SGCZ: variants seen among roughly 807,000 people sequenced by gnomAD.
SGCZ encodes the protein sarcoglycan zeta.
Under a neutral mutation model 41.3 loss-of-function variants are expected in SGCZ, and 40 were observed. The observed-to-expected ratio is 0.97, with a 90% CI of 0.75 to 1.26. The LOEUF (loss-of-function observed/expected upper bound fraction) is 1.26. Among genes scored for constraint, SGCZ ranks in the 50% most tolerant of loss-of-function variants. The pLI is 0.00. For synonymous variants in SGCZ, 206 were observed against 137.5 expected (o/e 1.50, Z -3.49); for missense variants, 552 against 369.8 (o/e 1.49, Z -4.04).
intron 1 of SGCZ, among the ~76,000 whole-genome samples, chr8:15,144,710 GCCT>G (rs1422864576): frequency 2.6e-5 from 4 of 152,156 alleles, no homozygotes; most frequent in African/African-American, 9.7e-5. Flanking sequence ...CCCATCTTTG[GCCT>G]CCCAAAGTGC....
At chr8:15,157,175 T>C (rs1461230052) in intron 1 of SGCZ, among the ~76,000 whole-genome samples, 3 of 152,086 alleles carry the variant, frequency 2.0e-5, no homozygotes, top group Admixed American at 2.0e-4. Flanking sequence ...CATACATAGA[T>C]GATGACATTT....
chr8:14,315,264 C>T (rs13254837), intron 3 of SGCZ, among the ~76,000 whole-genome samples: 101,614 of 151,980 alleles, frequency 0.67, 34,713 homozygotes, highest in Non-Finnish European at 0.76. Flanking sequence ...TCAAATCCAA[C>T]TGAAGCTTAG....
At chr8:14,942,975 C>G (rs1159543950) in intron 1 of SGCZ, among the ~76,000 whole-genome samples, 1 of 152,074 alleles carries the variant, frequency 6.6e-6, no homozygotes, top group Non-Finnish European at 1.5e-5. Flanking sequence ...AGATTGATTG[C>G]TGAATCATGC....
chr8:14,762,877 G>C (rs959800476), intron 1 of SGCZ, among the ~76,000 whole-genome samples: 1 of 152,144 alleles, frequency 6.6e-6, no homozygotes, highest in African/African-American at 2.4e-5. Flanking sequence ...AAAGAGCATA[G>C]GGTTTGGAGT....
chr8:14,146,508 C>T (rs1803524563), intron 5 of SGCZ, among the ~76,000 whole-genome samples: 1 of 152,098 alleles, frequency 6.6e-6, no homozygotes, highest in African/African-American at 2.4e-5. Flanking sequence ...GTATACAACT[C>T]ACTGGCCATA....
intron 1 of SGCZ, among the ~76,000 whole-genome samples, chr8:14,921,197 C>T (rs933106767): frequency 6.6e-5 from 10 of 152,156 alleles, no homozygotes; most frequent in Non-Finnish European, 1.2e-4. Context: ...AAGAAAGCTT[C>T]CCAAGAGCAG....
chr8:14,427,065 T>TG (rs1489662211), intron 2 of SGCZ, among the ~76,000 whole-genome samples: 2 of 93,212 alleles, frequency 2.1e-5, no homozygotes, highest in African/African-American at 3.2e-5. Context: ...AATGAATGAA[T>TG]GAGTGAATGA....
chr8:14,456,851 T>C (rs1290078431), intron 2 of SGCZ, among the ~76,000 whole-genome samples: 4 of 152,166 alleles, frequency 2.6e-5, no homozygotes, highest in Non-Finnish European at 5.9e-5. Flanking sequence ...GACTGAGTTC[T>C]CATAAGATCT....
At chr8:14,699,612 T>C (rs547013931) in intron 1 of SGCZ, among the ~76,000 whole-genome samples, 1 of 151,872 alleles carries the variant, frequency 6.6e-6, no homozygotes, top group Admixed American at 6.6e-5. Flanking sequence ...AAAAACAGAT[T>C]TGTGGGACCA....
intron 1 of SGCZ, among the ~76,000 whole-genome samples, chr8:14,766,295 T>A (rs1800032239): frequency 6.6e-6 from 1 of 152,018 alleles, no homozygotes; most frequent in Non-Finnish European, 1.5e-5. Context: ...CTATTAAATA[T>A]GCAAAAATAA....
rs1585161443 is a variant in SGCZ at position 14,129,746 on chromosome 8, A to C, written c.548-21511T>G. ...TAATTCCATTGACAATAACATATAA[A>C]ATAATATAATAATAGTTAGGAATAA... On this transcript the variant is annotated intron_variant, in intron 5 of 7. Coordinates refer to ENST00000382080, the MANE Select transcript of SGCZ (RefSeq NM_139167.4). 3.0e-5 allele frequency among the ~76,000 whole-genome samples: 4 copies of C among 134,888 alleles called. No homozygotes were observed. The East Asian group carries it at 7.8e-4, about 26-fold the overall frequency. 88.5% of individuals were successfully genotyped at this position (134,888 alleles called of 152,430 possible).
At chr8:14,212,757 G>A (rs28684538) in intron 4 of SGCZ, among the ~76,000 whole-genome samples, 2,824 of 152,078 alleles carry the variant, frequency 0.019, 88 homozygotes, top group African/African-American at 0.064. Flanking sequence ...ATTAGATGTA[G>A]GAATGAAGGA....
At chr8:14,830,044 T>A (rs560674530) in intron 1 of SGCZ, among the ~76,000 whole-genome samples, 1 of 152,060 alleles carries the variant, frequency 6.6e-6, no homozygotes, top group African/African-American at 2.4e-5. Context: ...TCGCCTGACC[T>A]CGTGATCTGC....
At chr8:15,085,116 C>A (rs957795620) in intron 1 of SGCZ, among the ~76,000 whole-genome samples, 1 of 152,090 alleles carries the variant, frequency 6.6e-6, no homozygotes, top group Non-Finnish European at 1.5e-5. Context: ...GAAAATGAGG[C>A]CTCAGAGAGT....
At chr8:14,659,381 T>C (rs891804775) in intron 1 of SGCZ, among the ~76,000 whole-genome samples, 2 of 152,172 alleles carry the variant, frequency 1.3e-5, no homozygotes, top group African/African-American at 4.8e-5. Flanking sequence ...GTATCAATTA[T>C]AATGTAAAAA....
At chr8:14,982,772 T>A (rs910476537) in intron 1 of SGCZ, among the ~76,000 whole-genome samples, 3 of 152,176 alleles carry the variant, frequency 2.0e-5, no homozygotes, top group African/African-American at 7.2e-5. Flanking sequence ...AAATTCTAGA[T>A]ATAATTCAGG....
intron 3 of SGCZ, among the ~76,000 whole-genome samples, chr8:14,314,693 G>A (rs1801658014): frequency 6.6e-6 from 1 of 152,012 alleles, no homozygotes; most frequent in Admixed American, 6.6e-5. Flanking sequence ...TTGGTTCAAG[G>A]GCATATCTGA....
chr8:14,180,433 T>G (rs532046148), intron 4 of SGCZ, among the ~76,000 whole-genome samples: 1 of 152,148 alleles, frequency 6.6e-6, no homozygotes, highest in African/African-American at 2.4e-5. Context: ...ACCCCACTAA[T>G]AACTCTAGGG....
chr8:14,484,407 G>T (rs922111891), intron 2 of SGCZ, among the ~76,000 whole-genome samples: 15 of 152,026 alleles, frequency 9.9e-5, no homozygotes, highest in African/African-American at 3.6e-4. Flanking sequence ...TTTAAATATA[G>T]AATTATGTTT....
Sources: allele counts gnomAD v4.1 joint callset (sites outside exome capture counted in the v4.1 genomes callset), GRCh38; gene constraint gnomAD v4.1.1; transcripts MANE v1.5; gene names NCBI Gene and HGNC (gene_info 2026-07-23, HGNC 2026-07-21).